NRP2: variants seen among roughly 807,000 people sequenced by gnomAD.
NRP2 encodes the protein neuropilin-2.
A neutral mutation model predicts 110.4 loss-of-function variants in NRP2; 52 were observed. The ratio of observed to expected loss-of-function variants is 0.47; its 90% CI spans 0.38 to 0.59. The LOEUF is 0.59. Ranked by LOEUF, NRP2 falls within the 20% of genes least tolerant of loss-of-function variation. The pLI is 0.00. For synonymous variants in NRP2, 508 were observed against 468.9 expected (o/e 1.08, Z -1.08); for missense variants, 1,049 against 1,203.0 (o/e 0.87, Z 1.89).
intron 15 of NRP2, among the ~76,000 whole-genome samples, chr2:205,771,249 G>A (rs370250369): frequency 6.6e-6 from 1 of 152,320 alleles, no homozygotes; most frequent in African/African-American, 2.4e-5. Context: ...AAGGCAGATG[G>A]AAAGAGTCGT....
intron 2 of NRP2, among the ~76,000 whole-genome samples, chr2:205,711,832 G>C (rs1269289814): frequency 6.6e-6 from 1 of 152,216 alleles, no homozygotes; most frequent in Non-Finnish European, 1.5e-5. Context: ...GGTGCCCTGA[G>C]AGAAGGACCT....
rs1028171068 is a variant in NRP2, at chr2:205,763,455, G to A, written c.2045-219G>A. Among the ~76,000 whole-genome samples, 3 of 152,054 alleles carry A rather than the reference G, an allele frequency of 2.0e-5. No homozygotes were observed. Among genetic ancestry groups the A allele is most frequent in the African/African-American group, 7.2e-5 (3 of 41,396 alleles). On this transcript the variant is annotated intron_variant, in intron 12 of 16. Transcript: ENST00000357785. This position sits in a 1 kb window ranked among gnomAD's most constrained non-coding sequence, Gnocchi z 4.0. ...AATGATACCGAGAAATAGGCAGGAG[G>A]GACCGATTTGACTTAGAGACTCTTA...
chr2:205,779,082 T>G (rs2058143055), intron 15 of NRP2: 2 of 152,228 alleles, frequency 1.3e-5, no homozygotes, highest in Non-Finnish European at 2.9e-5. Flanking sequence ...GGCGAATGCA[T>G]GCATGCATGT....
At chr2:205,724,584 T>C (rs1209782447) in intron 5 of NRP2, among the ~76,000 whole-genome samples, 1 of 151,842 alleles carries the variant, frequency 6.6e-6, no homozygotes, top group African/African-American at 2.4e-5. Context: ...GAGCAACATC[T>C]TCAAATCAGC....
intron 2 of NRP2, among the ~76,000 whole-genome samples, chr2:205,704,349 AG>A (rs1261838539): frequency 1.3e-5 from 2 of 152,320 alleles, no homozygotes; most frequent in East Asian, 1.9e-4. Flanking sequence ...GTGCTTGTTG[AG>A]GAGAGGCCGT....
chr2:205,696,581 A>T (rs1377767557), intron 1 of NRP2, among the ~76,000 whole-genome samples: 1 of 152,248 alleles, frequency 6.6e-6, no homozygotes, highest in Non-Finnish European at 1.5e-5. Context: ...GAGATTCCTC[A>T]AATGTCATCA....
chr2:205,768,197 G>A (rs2105928696), intron 15 of NRP2: 1 of 152,334 alleles, frequency 6.6e-6, no homozygotes, highest in Admixed American at 6.5e-5. Context: ...AGTATTAAGA[G>A]TATTCATGTG....
Position 205,728,060 on chromosome 2 carries a change from C to G in NRP2, c.1146+14C>G. ...AAAAACCACAAGGTAAATCCATGAT[C>G]CTACCTTAAAGGCACATTGGACCAG... On this transcript the variant is annotated intron_variant, in intron 7 of 16. Transcript: ENST00000357785. 1 of 1,613,936 alleles carries G rather than the reference C, an allele frequency of 6.2e-7. No homozygotes were observed.
chr2:205,716,677 T>A (rs1276079767), intron 3 of NRP2, among the ~76,000 whole-genome samples: 1 of 152,148 alleles, frequency 6.6e-6, no homozygotes, highest in African/African-American at 2.4e-5. Flanking sequence ...TTTTTTAAAA[T>A]CAAAATAATC....
In NRP2 at chr2:205,686,131, C is replaced by G. The variant is rs953961561; in HGVS notation, c.73+2768C>G. Among the ~76,000 whole-genome samples, 1 of 151,848 alleles carries G rather than the reference C, an allele frequency of 6.6e-6. No individual in the cohort carries two copies. The highest frequency in any genetic ancestry group is 1.5e-5 in the Non-Finnish European group (1 of 67,948). On this transcript the variant is annotated intron_variant, in intron 1 of 16. Transcript: ENST00000357785. This position sits in a 1 kb window ranked among gnomAD's most constrained non-coding sequence, Gnocchi z 4.7. ...CAGAGCCCAGCGATCCATAAACATT[C>G]TATTAAGCAAAAATATTCCCAGCGA...
chr2:205,722,636 C>G lies in NRP2; in HGVS notation c.592C>G (p.His198Asp). The change falls in exon 4 of 17, where the codon CAT becomes GAT. Residue 198 changes from histidine (H) to aspartate (D), a missense_variant. His to Asp is a moderately conservative substitution (Grantham distance 81). Transcript: ENST00000357785. The stretch of plus-strand genomic sequence containing the variant: ...GCAGTTCCTGATCTTTGACCTGGAG[C>G]ATGACCCTTTGCAGGTGGGAGAGGG... ...ILQFLIFDLE[H>D]DPLQVGEGDC... is the part of the protein sequence containing the mutation. 6.2e-7 allele frequency: 1 copy of G among 1,614,212 alleles called. No homozygotes were observed. Among genetic ancestry groups the G allele is most frequent in the Non-Finnish European group, 8.5e-7 (1 of 1,180,040 alleles).
At chr2:205,775,203 GC>G (rs916681059) in intron 15 of NRP2, among the ~76,000 whole-genome samples, 11 of 152,306 alleles carry the variant, frequency 7.2e-5, no homozygotes, top group African/African-American at 2.6e-4. Flanking sequence ...AAGCTCAAAA[GC>G]TCCTAGTCCC....
chr2:205,769,505 T>TACACACACACACACAC lies in NRP2; in HGVS notation c.2425+2722_2425+2737dup, dbSNP rs56837273. On this transcript the variant is annotated intron_variant, in intron 15 of 16. Transcript: ENST00000357785. ...TGCTGTGTGTGTGTATATACATACA[T>TACACACACACACACAC]ACACACACACACACACACACACACA... Among the ~76,000 whole-genome samples, 514 of 145,196 alleles carry TACACACACACACACAC rather than the reference T, an allele frequency of 3.5e-3. 3 individuals carry two copies. The highest frequency in any genetic ancestry group is 0.011 in the African/African-American group (445 of 39,324).
chr2:205,769,505 TACAC>T (rs56837273), intron 15 of NRP2, among the ~76,000 whole-genome samples: 6,639 of 145,176 alleles, frequency 0.046, 488 homozygotes, highest in African/African-American at 0.16. Context: ...TATACATACA[TACAC>T]ACACACACAC....
chr2:205,700,701 T>C lies in NRP2; in HGVS notation c.251+2980T>C, dbSNP rs750358469. 7.7e-6 allele frequency: 4 copies of C among 518,822 alleles called. 1 individual carries two copies. Among genetic ancestry groups the C allele is most frequent in the African/African-American group, 1.9e-5 (1 of 51,982 alleles). The allele number at this position is 518,822 out of a possible 1,614,324, so 32.1% of individuals were successfully genotyped here. A position where few individuals can be genotyped will look rare whatever the true frequency, so the allele number is the denominator to read the frequency against. ...ACCGTTGCTTATTAACTTTGTTCCA[T>C]TGAAGCTTGCTGTCTGCTTGGAAAA... On this transcript the variant is annotated intron_variant, in intron 2 of 16. Coordinates refer to ENST00000357785, the MANE Select transcript of NRP2 (RefSeq NM_003872.3).
Position 205,682,917 on chromosome 2 carries a change from T to G in NRP2, c.-374T>G. On this transcript the variant is annotated 5_prime_UTR_variant, in exon 1 of 17. Transcript: ENST00000357785. The surrounding 1 kb of genome is among the most constrained non-coding windows in gnomAD (Gnocchi z 4.3). ...GTGTGATGCCCAAGGCAAGTCTTGG[T>G]TTTAATTATTATTATTATCATTATT... The G allele has an allele frequency of 4.4e-6, 1 of 226,072 alleles. No individual in the cohort carries two copies. Among genetic ancestry groups the G allele is most frequent in the Non-Finnish European group, 8.8e-6 (1 of 113,004 alleles). The allele number at this position is 226,072 out of a possible 1,614,324, so 14.0% of individuals were successfully genotyped here.
chr2:205,782,873 A>G (rs558624830), intron 15 of NRP2, among the ~76,000 whole-genome samples: 2 of 148,266 alleles, frequency 1.3e-5, no homozygotes, highest in Non-Finnish European at 1.5e-5. Context: ...TTTTTTTACT[A>G]TTATAAACAA....
At chr2:205,736,111 G>A (rs1315241006) in intron 7 of NRP2, among the ~76,000 whole-genome samples, 1 of 152,164 alleles carries the variant, frequency 6.6e-6, no homozygotes, top group East Asian at 1.9e-4. Context: ...AGAGGTCAAG[G>A]CAGGTGTATC....
At chr2:205,754,215 T>C (rs902195095) in intron 12 of NRP2, among the ~76,000 whole-genome samples, 1 of 152,022 alleles carries the variant, frequency 6.6e-6, no homozygotes, top group East Asian at 1.9e-4. Flanking sequence ...CAGGGTACAA[T>C]AGGAAAAGGC....
Sources: allele counts gnomAD v4.1 joint callset (sites outside exome capture counted in the v4.1 genomes callset), GRCh38; gene constraint gnomAD v4.1.1; non-coding constraint Gnocchi (gnomAD v3.1); transcripts MANE v1.5; gene names NCBI Gene and HGNC (gene_info 2026-07-23, HGNC 2026-07-21).